The following SLC25A31 variants were observed in gnomAD, a reference collection of about 807,000 sequenced individuals.
The protein encoded by SLC25A31 is solute carrier family 25 member 31, also known as ADP/ATP translocase 4.
A neutral mutation model predicts 36.2 loss-of-function variants in SLC25A31; 40 were observed. The observed-to-expected ratio is 1.10, with a 90% CI of 0.86 to 1.44. The LOEUF (loss-of-function observed/expected upper bound fraction) is 1.44. Ranked by LOEUF, SLC25A31 falls within the 40% of genes most tolerant of loss-of-function variation. The probability of loss-of-function intolerance (pLI) is 0.00; values close to 1 mark genes in which losing one functional copy is unlikely to be tolerated. For missense variants in SLC25A31, 350 were observed against 397.1 expected (o/e 0.88, Z 1.01); for synonymous variants, 143 against 149.7 (o/e 0.96, Z 0.32).
chr4:127,750,558 C>G (rs145270038), intron 2 of SLC25A31, among the ~76,000 whole-genome samples: 186 of 152,150 alleles, frequency 1.2e-3, no homozygotes, highest in African/African-American at 4.1e-3. Flanking sequence ...TTATTAAAAA[C>G]AACTATAATA....
intron 1 of SLC25A31, among the ~76,000 whole-genome samples, chr4:127,742,512 A>G (rs1731751409): frequency 6.6e-6 from 1 of 152,212 alleles, no homozygotes; most frequent in Non-Finnish European, 1.5e-5. Context: ...TGCATGAAAG[A>G]GATGGATTTG....
chr4:127,745,685 T>G (rs1226638715), intron 2 of SLC25A31, among the ~76,000 whole-genome samples: 1 of 152,172 alleles, frequency 6.6e-6, no homozygotes. Context: ...TGTTTTGCCC[T>G]GTACTTTGGC....
intron 1 of SLC25A31, among the ~76,000 whole-genome samples, chr4:127,732,229 T>TTTAAAA (rs1731539609): frequency 6.6e-6 from 1 of 152,232 alleles, no homozygotes; most frequent in Admixed American, 6.5e-5. Context: ...AGTCCTGTTC[T>TTTAAAA]AGGGCCAGAT....
chr4:127,742,399 A>G (rs1412050072), intron 1 of SLC25A31, among the ~76,000 whole-genome samples: 2 of 152,154 alleles, frequency 1.3e-5, no homozygotes, highest in Admixed American at 6.5e-5. Flanking sequence ...TGACTGCCTG[A>G]TTGATTACCT....
chr4:127,770,949 CTTTTTTTTT>C (rs558206857), intron 5 of SLC25A31, among the ~76,000 whole-genome samples: 2 of 80,812 alleles, frequency 2.5e-5, no homozygotes, highest in Non-Finnish European at 4.6e-5. Context: ...TCTTCTTCTT[CTTTTTTTTT>C]TTTTTTTTTT....
At chr4:127,762,781 G>T (rs773557124) in intron 2 of SLC25A31, among the ~76,000 whole-genome samples, 7 of 151,960 alleles carry the variant, frequency 4.6e-5, no homozygotes, top group Non-Finnish European at 8.8e-5. Context: ...AAAATTATCT[G>T]GGCGTGGTGG....
chr4:127,736,733 A>G (rs1578655221), intron 1 of SLC25A31, among the ~76,000 whole-genome samples: 1 of 144,572 alleles, frequency 6.9e-6, no homozygotes, highest in African/African-American at 2.4e-5. Context: ...TGTGAGGATT[A>G]AAGAAGATAA....
Position 127,773,483 on chromosome 4 carries a change from C to T in SLC25A31, c.857C>T (p.Ser286Phe). ...GISSFFRGAF[S>F]NVLRGTGGAL... ...AGTTCCTTTTTTCGTGGCGCCTTCTCCAATGTTCTTCGCGGTACAGGGGGT... is the reference window on the plus strand; with the variant it reads ...AGTTCCTTTTTTCGTGGCGCCTTCTTCAATGTTCTTCGCGGTACAGGGGGT... The change falls in exon 6 of 6, where the codon TCC becomes TTC. Residue 286 changes from serine (S) to phenylalanine (F), a missense_variant. Physicochemically the swap from Ser to Phe is radical, Grantham distance 155. Transcript: ENST00000281154. The T allele has an allele frequency of 6.2e-7, 1 of 1,613,984 alleles. No homozygotes were observed. Among genetic ancestry groups the T allele is most frequent in the Non-Finnish European group, 8.5e-7 (1 of 1,179,950 alleles).
intron 2 of SLC25A31, among the ~76,000 whole-genome samples, chr4:127,763,137 T>C (rs1487471627): frequency 6.6e-6 from 1 of 152,078 alleles, no homozygotes; most frequent in Non-Finnish European, 1.5e-5. Context: ...ATTTTATGTA[T>C]TGGTCATGGG....
chr4:127,753,506 A>T (rs1731974716), intron 2 of SLC25A31, among the ~76,000 whole-genome samples: 1 of 152,146 alleles, frequency 6.6e-6, no homozygotes, highest in African/African-American at 2.4e-5. Context: ...AATGCAAAAG[A>T]TCATAAGAGT....
intron 3 of SLC25A31, among the ~76,000 whole-genome samples, chr4:127,766,517 A>T (rs1169621235): frequency 6.6e-6 from 1 of 151,620 alleles, no homozygotes; most frequent in Non-Finnish European, 1.5e-5. Flanking sequence ...GTTTTAATAG[A>T]GACAGGGTCT....
At chr4:127,737,642 G>A (rs1269306490) in intron 1 of SLC25A31, among the ~76,000 whole-genome samples, 3 of 151,986 alleles carry the variant, frequency 2.0e-5, no homozygotes, top group African/African-American at 7.2e-5. Context: ...GCAGCCTGGA[G>A]TTTTGGTGTT....
chr4:127,746,973 C>T (rs907158341), intron 2 of SLC25A31, among the ~76,000 whole-genome samples: 1 of 151,998 alleles, frequency 6.6e-6, no homozygotes, highest in Admixed American at 6.6e-5. Flanking sequence ...AGGAGTCCAG[C>T]TTTAATCTTC....
intron 2 of SLC25A31, among the ~76,000 whole-genome samples, chr4:127,757,753 A>G (rs1014996703): frequency 1.1e-4 from 16 of 152,220 alleles, no homozygotes; most frequent in Non-Finnish European, 1.0e-4. Context: ...CCAACAATGT[A>G]TAAGCATTCC....
chr4:127,738,985 G>A (rs1175154203), intron 1 of SLC25A31, among the ~76,000 whole-genome samples: 1 of 152,076 alleles, frequency 6.6e-6, no homozygotes, highest in Non-Finnish European at 1.5e-5. Flanking sequence ...CTTTGAGCCT[G>A]TGGGTGTCAT....
intron 4 of SLC25A31, among the ~76,000 whole-genome samples, chr4:127,768,535 G>A (rs1472590931): frequency 2.6e-5 from 4 of 151,916 alleles, no homozygotes; most frequent in Non-Finnish European, 4.4e-5. Flanking sequence ...TCTTATAATG[G>A]CAAATATGCT....
chr4:127,773,741 T>C lies in SLC25A31; in HGVS notation c.*167T>C. ...AAGAATTTAAATACTAAAAATCAGA[T>C]AAATGTGGATTTTCCTCCCACTTAG... is the stretch of plus-strand genomic sequence containing the variant. On this transcript the variant is annotated 3_prime_UTR_variant, in exon 6 of 6. Coordinates refer to ENST00000281154, the MANE Select transcript of SLC25A31 (RefSeq NM_031291.4). 3.9e-6 allele frequency: 2 copies of C among 510,506 alleles called. No individual in the cohort carries two copies. Among genetic ancestry groups the C allele is most frequent in the Non-Finnish European group, 6.4e-6 (2 of 313,802 alleles). The allele number at this position is 510,506 out of a possible 1,614,324, so 31.6% of individuals were successfully genotyped here.
At chr4:127,740,031 T>A (rs1419475956) in intron 1 of SLC25A31, among the ~76,000 whole-genome samples, 1 of 152,168 alleles carries the variant, frequency 6.6e-6, no homozygotes, top group Non-Finnish European at 1.5e-5. Flanking sequence ...TGAGCTTCCT[T>A]GCAATTCATG....
chr4:127,758,218 A>G (rs964631305), intron 2 of SLC25A31, among the ~76,000 whole-genome samples: 1 of 152,156 alleles, frequency 6.6e-6, no homozygotes, highest in Non-Finnish European at 1.5e-5. Context: ...CGGTGAGGAC[A>G]CAGCCAAACC....
Sources: allele counts gnomAD v4.1 joint callset (sites outside exome capture counted in the v4.1 genomes callset), GRCh38; gene constraint gnomAD v4.1.1; transcripts MANE v1.5; gene names NCBI Gene and HGNC (gene_info 2026-07-23, HGNC 2026-07-21).